Variants in ELOVL6 observed in about 807,000 individuals in gnomAD.
The protein encoded by ELOVL6 is ELOVL fatty acid elongase 6, also known as very long chain fatty acid elongase 6.
Under a neutral mutation model 31.7 loss-of-function variants are expected in ELOVL6, and 8 were observed. That is an observed-to-expected ratio of 0.25 (90% CI 0.15 to 0.45). ELOVL6 has a LOEUF of 0.45. Among genes scored for constraint, ELOVL6 ranks in the 20% least tolerant of loss-of-function variants. The probability of loss-of-function intolerance (pLI) is 1.00; values close to 1 mark genes in which losing one functional copy is unlikely to be tolerated. For synonymous variants in ELOVL6, 101 were observed against 117.7 expected, an observed-to-expected ratio of 0.86 and a Z score of 0.92; for missense variants, 126 against 326.4, an observed-to-expected ratio of 0.39 and a Z score of 4.73.
intron 1 of ELOVL6, among the ~76,000 whole-genome samples, chr4:110,115,783 T>A (rs1311270579): frequency 2.0e-5 from 3 of 152,210 alleles, no homozygotes; most frequent in Non-Finnish European, 4.4e-5. Context: ...TGTATTATCT[T>A]ACAGTTCTGG....
At chr4:110,091,851 G>A (rs192987121) in intron 2 of ELOVL6, among the ~76,000 whole-genome samples, 1 of 152,170 alleles carries the variant, frequency 6.6e-6, no homozygotes, top group African/African-American at 2.4e-5. Context: ...AAATTGCAAT[G>A]TGCAAGGAAT....
chr4:110,147,705 C>T (rs1164711103), intron 1 of ELOVL6, among the ~76,000 whole-genome samples: 1 of 151,268 alleles, frequency 6.6e-6, no homozygotes, highest in East Asian at 2.0e-4. Context: ...GTACGAGGAT[C>T]ATTTGAGCCT....
chr4:110,155,107 A>T (rs778773071), intron 1 of ELOVL6, among the ~76,000 whole-genome samples: 1 of 152,166 alleles, frequency 6.6e-6, no homozygotes, highest in East Asian at 1.9e-4. Context: ...TTGCCCAATA[A>T]ATATTTAGCA....
At chr4:110,084,564 A>ATATATATT (rs1560815823) in intron 2 of ELOVL6, among the ~76,000 whole-genome samples, 6 of 33,200 alleles carry the variant, frequency 1.8e-4, no homozygotes, top group East Asian at 2.5e-3. Flanking sequence ...ACACACACAG[A>ATATATATT]TATATATATA....
chr4:110,144,891 A>G (rs915280618), intron 1 of ELOVL6, among the ~76,000 whole-genome samples: 1 of 152,096 alleles, frequency 6.6e-6, no homozygotes, highest in African/African-American at 2.4e-5. Context: ...GTCAGAATCC[A>G]TCCACTGTTG....
rs145119120 is a variant in ELOVL6 at position 110,130,718 on chromosome 4, T to C, written c.90-25090A>G. ...TGGATAGTTCCCTTTAAGCAAAACATATCGTGTGGGCTGAGCACTGCAATA... is the reference window on the plus strand; with the variant it reads ...TGGATAGTTCCCTTTAAGCAAAACACATCGTGTGGGCTGAGCACTGCAATA... On this transcript the variant is annotated intron_variant, in intron 1 of 3. Transcript: ENST00000302274. Among the ~76,000 whole-genome samples the C allele has an allele frequency of 2.3e-3, 346 of 152,244 alleles. 3 individuals carry two copies. The highest frequency in any genetic ancestry group is 2.5e-3 in the Non-Finnish European group (167 of 68,016).
In ELOVL6 at chr4:110,080,761, G is replaced by A. The variant is rs937253187; in HGVS notation, c.222-21007C>T. 5.9e-4 allele frequency among the ~76,000 whole-genome samples: 89 copies of A among 152,118 alleles called. 2 individuals carry two copies. Among genetic ancestry groups the A allele is most frequent in the Non-Finnish European group, 8.8e-5 (6 of 68,028 alleles). On this transcript the variant is annotated intron_variant, in intron 2 of 3. Transcript: ENST00000302274. ...GGCCAGGGTAATCAGGCAGGAGAAG[G>A]AAATAAAGGGTATTCAATTAGGAAA... is the stretch of plus-strand genomic sequence containing the variant.
At chr4:110,071,548 C>A (rs550229566) in intron 2 of ELOVL6, among the ~76,000 whole-genome samples, 2 of 152,268 alleles carry the variant, frequency 1.3e-5, no homozygotes, top group African/African-American at 2.4e-5. Flanking sequence ...GGGCAAATCA[C>A]CTTCTTTTCA....
intron 1 of ELOVL6, among the ~76,000 whole-genome samples, chr4:110,167,487 G>T (rs1215349906): frequency 2.0e-5 from 3 of 151,984 alleles, no homozygotes; most frequent in African/African-American, 7.2e-5. Flanking sequence ...GTTACTAAAG[G>T]ATGTTTTTTT....
chr4:110,063,826 C>T (rs919245588), intron 2 of ELOVL6, among the ~76,000 whole-genome samples: 18 of 151,174 alleles, frequency 1.2e-4, no homozygotes, highest in African/African-American at 4.1e-4. Context: ...GCCTGTAATC[C>T]CAGCACTTTG....
chr4:110,134,591 A>C (rs1757763454), intron 1 of ELOVL6, among the ~76,000 whole-genome samples: 2 of 152,192 alleles, frequency 1.3e-5, no homozygotes, highest in Admixed American at 1.3e-4. Flanking sequence ...GAATGAAGGA[A>C]CAACATGAAA....
chr4:110,123,707 T>C (rs554518170), intron 1 of ELOVL6, among the ~76,000 whole-genome samples: 1 of 152,268 alleles, frequency 6.6e-6, no homozygotes, highest in Non-Finnish European at 1.5e-5. Flanking sequence ...AGGCAGGGAA[T>C]AGCCAAGGCA....
intron 1 of ELOVL6, among the ~76,000 whole-genome samples, chr4:110,110,787 T>C (rs1475920260): frequency 6.6e-6 from 1 of 152,204 alleles, no homozygotes; most frequent in Non-Finnish European, 1.5e-5. Context: ...CCGTAATTGA[T>C]ACAAATGAAA....
At chr4:110,058,795 C>A (rs566313285) in intron 3 of ELOVL6, among the ~76,000 whole-genome samples, 1 of 152,002 alleles carries the variant, frequency 6.6e-6, no homozygotes, top group South Asian at 2.1e-4. Context: ...ACCCAGAACC[C>A]CAGAGGTGAC....
At chr4:110,075,190 T>C (rs1026790804) in intron 2 of ELOVL6, among the ~76,000 whole-genome samples, 21 of 152,210 alleles carry the variant, frequency 1.4e-4, no homozygotes, top group Non-Finnish European at 3.1e-4. Flanking sequence ...AATGGCTCTA[T>C]GGCTATTGAA....
chr4:110,052,860 A>T (rs1754870941), intron 3 of ELOVL6, among the ~76,000 whole-genome samples: 1 of 152,356 alleles, frequency 6.6e-6, no homozygotes, highest in African/African-American at 2.4e-5. Context: ...GTTATGAGAC[A>T]TGGGAAAAAT....
At chr4:110,185,626 G>A (rs1302541705) in intron 1 of ELOVL6, among the ~76,000 whole-genome samples, 2 of 152,094 alleles carry the variant, frequency 1.3e-5, no homozygotes, top group Non-Finnish European at 2.9e-5. Context: ...AGAAAAGAAG[G>A]CCTAGAGAGA....
chr4:110,091,542 G>A (rs1333221874), intron 2 of ELOVL6, among the ~76,000 whole-genome samples: 6 of 152,190 alleles, frequency 3.9e-5, no homozygotes, highest in African/African-American at 9.6e-5. Flanking sequence ...AAAGCTGAAC[G>A]CCTTCAGAGA....
intron 2 of ELOVL6, among the ~76,000 whole-genome samples, chr4:110,084,529 CTT>C (rs1491319902): frequency 4.6e-4 from 33 of 71,208 alleles, no homozygotes; most frequent in African/African-American, 7.2e-4. Flanking sequence ...ATTATATACA[CTT>C]ACACACACAC....
Sources: allele counts gnomAD v4.1 joint callset (sites outside exome capture counted in the v4.1 genomes callset), GRCh38; gene constraint gnomAD v4.1.1; transcripts MANE v1.5; gene names NCBI Gene and HGNC (gene_info 2026-07-23, HGNC 2026-07-21).